SMIM36: variants seen among roughly 807,000 people sequenced by gnomAD.
SMIM36 encodes small integral membrane protein 36.
the SMIM36 span, among the ~76,000 whole-genome samples, chr17:55,518,307 A>T: frequency 2.8e-4 from 42 of 152,352 alleles, 1 homozygote; most frequent in Admixed American, 2.6e-3. Flanking sequence ...TAATCCATTC[A>T]TAAAGACAGA....
intron 1 of SMIM36, among the ~76,000 whole-genome samples, chr17:55,493,593 T>C (rs1909751378): frequency 6.6e-6 from 1 of 152,070 alleles, no homozygotes; most frequent in African/African-American, 2.4e-5. Flanking sequence ...GAAGATTGCT[T>C]GAGTCCAGGA....
chr17:55,468,522 A>T (rs1909283048), intron 3 of SMIM36: 1 of 152,892 alleles, frequency 6.5e-6, no homozygotes, highest in Non-Finnish European at 1.5e-5. Flanking sequence ...TGCCTTGATC[A>T]TTCACCCACA....
chr17:55,528,496 C>T, the SMIM36 span, among the ~76,000 whole-genome samples: 7 of 151,976 alleles, frequency 4.6e-5, no homozygotes, highest in South Asian at 2.1e-4. Context: ...GGATTATAGG[C>T]GCACACCACC....
chr17:55,523,002 G>C, the SMIM36 span, among the ~76,000 whole-genome samples: 4 of 152,122 alleles, frequency 2.6e-5, no homozygotes, highest in Non-Finnish European at 4.4e-5. Flanking sequence ...AAAAGATCTT[G>C]GCAGGGGATT....
intron 3 of SMIM36, among the ~76,000 whole-genome samples, chr17:55,472,798 G>A (rs111302054): frequency 0.22 from 33,782 of 150,868 alleles, 4,239 homozygotes; most frequent in Non-Finnish European, 0.28. Context: ...AAACCGGGAG[G>A]CGGAGGTTGC....
chr17:55,505,846 T>G (rs563177367), intron 1 of SMIM36, among the ~76,000 whole-genome samples: 1 of 112,076 alleles, frequency 8.9e-6, no homozygotes, highest in South Asian at 3.4e-4. Context: ...CAGCCCCAAA[T>G]CTCCTTAAGC....
chr17:55,492,459 T>C (rs147293568), intron 1 of SMIM36, among the ~76,000 whole-genome samples: 1 of 151,806 alleles, frequency 6.6e-6, no homozygotes, highest in East Asian at 2.0e-4. Context: ...TTGGCCAGGA[T>C]GGTCACGATC....
chr17:55,471,068 C>T (rs1205980248), intron 3 of SMIM36, among the ~76,000 whole-genome samples: 1 of 152,132 alleles, frequency 6.6e-6, no homozygotes, highest in Non-Finnish European at 1.5e-5. Context: ...TCCCACAACT[C>T]ACTATTCTGT....
chr17:55,471,958 A>C (rs1453502401), intron 3 of SMIM36, among the ~76,000 whole-genome samples: 1 of 152,128 alleles, frequency 6.6e-6, no homozygotes, highest in Non-Finnish European at 1.5e-5. Flanking sequence ...TCAAGCATTA[A>C]TATCCTCATC....
At chr17:55,458,658 C>G (rs1432825236) in intron 4 of SMIM36, among the ~76,000 whole-genome samples, 1 of 150,128 alleles carries the variant, frequency 6.7e-6, no homozygotes, top group Non-Finnish European at 1.5e-5. Context: ...AGCAGCTGGT[C>G]GTTGAGAAGA....
At chr17:55,515,416 G>A (rs552341696), upstream of SMIM36, among the ~76,000 whole-genome samples, 1 of 152,162 alleles carries the variant, frequency 6.6e-6, no homozygotes, top group Non-Finnish European at 1.5e-5. Context: ...ATCTATACTG[G>A]GTTGAATAAT....
At chr17:55,478,186 TC>T (rs1909457569) in intron 3 of SMIM36, among the ~76,000 whole-genome samples, 1 of 149,304 alleles carries the variant, frequency 6.7e-6, no homozygotes, top group Admixed American at 6.7e-5. Context: ...TTGTCCCTCC[TC>T]CCCCCACCCA....
At chr17:55,509,830 A>G (rs1008008289) in intron 1 of SMIM36, among the ~76,000 whole-genome samples, 1 of 152,154 alleles carries the variant, frequency 6.6e-6, no homozygotes, top group African/African-American at 2.4e-5. Flanking sequence ...GAAAAAACAT[A>G]CCATTCAACA....
intron 1 of SMIM36, among the ~76,000 whole-genome samples, chr17:55,481,779 A>G (rs997365772): frequency 1.3e-5 from 2 of 152,030 alleles, no homozygotes; most frequent in African/African-American, 4.8e-5. Flanking sequence ...CTGCAGCCTC[A>G]ACCTCCTGGG....
At chr17:55,513,381 G>A (rs1040226140), upstream of SMIM36, among the ~76,000 whole-genome samples, 19 of 152,224 alleles carry the variant, frequency 1.2e-4, no homozygotes, top group African/African-American at 3.9e-4. Context: ...AAGTCCGACA[G>A]ATTCAGAGAA....
At chr17:55,501,895 G>C (rs1281714626) in intron 1 of SMIM36, among the ~76,000 whole-genome samples, 1 of 145,318 alleles carries the variant, frequency 6.9e-6, no homozygotes, top group Non-Finnish European at 1.5e-5. Flanking sequence ...GCCGAAGCAA[G>C]GCATTGCCTC....
chr17:55,526,613 A>G, the SMIM36 span, among the ~76,000 whole-genome samples: 3 of 152,358 alleles, frequency 2.0e-5, no homozygotes, highest in African/African-American at 7.2e-5. Flanking sequence ...TAAGTCTAAG[A>G]TTTATGGTCC....
chr17:55,490,378 T>C (rs1195507663), intron 1 of SMIM36, among the ~76,000 whole-genome samples: 1 of 152,196 alleles, frequency 6.6e-6, no homozygotes, highest in Non-Finnish European at 1.5e-5. Flanking sequence ...GGGGGCTTTT[T>C]CTAGCTTTGA....
the SMIM36 span, among the ~76,000 whole-genome samples, chr17:55,524,338 G>A: frequency 6.6e-6 from 1 of 152,128 alleles, no homozygotes; most frequent in Admixed American, 6.6e-5. Context: ...GGACATTAGG[G>A]TGATTCCACG....
Sources: gnomAD v4.1 joint callset for allele counts (sites outside exome capture counted in the v4.1 genomes callset) on GRCh38, gnomAD v4.1.1 for gene constraint, MANE v1.5 for transcripts, NCBI Gene and HGNC (gene_info 2026-07-23, HGNC 2026-07-21) for gene names.